IPO5: variants seen among roughly 807,000 people sequenced by gnomAD.
The protein encoded by IPO5 is importin 5.
Under a neutral mutation model 143.3 loss-of-function variants are expected in IPO5, and 18 were observed. The ratio of observed to expected loss-of-function variants is 0.13; its 90% CI spans 0.09 to 0.19. The LOEUF is 0.19. Ranked by LOEUF, IPO5 falls within the 10% of genes least tolerant of loss-of-function variation. IPO5 has a pLI of 1.00. For missense variants in IPO5, 1,013 were observed against 1,336.9 expected (o/e 0.76, Z 3.78); for synonymous variants, 477 against 465.7 (o/e 1.02, Z -0.31).
At chr13:97,989,383 C>G (rs1304928195) in intron 7 of IPO5, among the ~76,000 whole-genome samples, 2 of 152,068 alleles carry the variant, frequency 1.3e-5, no homozygotes, top group East Asian at 1.9e-4. Flanking sequence ...CTACAGCTTG[C>G]TTGCTTTCTC....
chr13:97,955,329 T>G (rs535934351), intron 2 of IPO5, among the ~76,000 whole-genome samples: 2 of 152,178 alleles, frequency 1.3e-5, no homozygotes, highest in African/African-American at 4.8e-5. Context: ...CTGTGCTGAG[T>G]TCATATACTC....
chr13:98,020,098 A>G (rs1890377950), intron 27 of IPO5, among the ~76,000 whole-genome samples: 1 of 152,178 alleles, frequency 6.6e-6, no homozygotes, highest in Non-Finnish European at 1.5e-5. Flanking sequence ...GGTAGCGACA[A>G]GGTCTTAACT....
intron 11 of IPO5, 125 bp from the exon 12 acceptor site, chr13:97,997,406 G>A: frequency 2.1e-6 from 1 of 469,212 alleles, no homozygotes; most frequent in Non-Finnish European, 3.8e-6. Context: ...TGGGGGCACA[G>A]ACAAATAATT....
intron 6 of IPO5, chr13:97,986,889 G>A (rs1306436669): frequency 6.6e-6 from 1 of 152,220 alleles, no homozygotes; most frequent in Non-Finnish European, 1.5e-5. Context: ...GGAGGGAGAG[G>A]GTCAGGCAGA....
rs2139902708 is a variant in IPO5, at chr13:98,024,087, G to A, written c.*2265G>A. The A allele has an allele frequency of 6.6e-6, 1 of 152,196 alleles. No individual in the cohort carries two copies. The highest frequency in any genetic ancestry group is 2.1e-4 in the South Asian group (1 of 4,818). 9.4% of individuals were successfully genotyped at this position (152,196 alleles called of 1,614,324 possible). A position where few individuals can be genotyped will look rare whatever the true frequency, so the allele number is the denominator to read the frequency against. ...ATGTGTGTGGCTCTTACGTTTTCTG[G>A]GAATTTTGTAACAAGTTACACGCAC... On this transcript the variant is annotated 3_prime_UTR_variant, in exon 29 of 29. Coordinates refer to ENST00000651721, the MANE Select transcript of IPO5 (RefSeq NM_002271.6).
chr13:98,022,167 C>A lies in IPO5; in HGVS notation c.*345C>A, dbSNP rs748144561. On this transcript the variant is annotated 3_prime_UTR_variant, in exon 29 of 29. Transcript: ENST00000651721. The stretch of plus-strand genomic sequence containing the variant: ...GGAAAAACAGCTTTAAGAACAGTTA[C>A]TCAGCGTAGATGTGTGTTCACACAA... 22 of 182,432 alleles carry A rather than the reference C, an allele frequency of 1.2e-4. No individual in the cohort carries two copies. Among genetic ancestry groups the A allele is most frequent in the Non-Finnish European group, 2.3e-4 (20 of 85,686 alleles). The allele number at this position is 182,432 out of a possible 1,614,324, so 11.3% of individuals were successfully genotyped here. A position where few individuals can be genotyped will look rare whatever the true frequency, so the allele number is the denominator to read the frequency against.
chr13:97,973,336 C>G (rs1037935662), intron 3 of IPO5, among the ~76,000 whole-genome samples: 2 of 152,060 alleles, frequency 1.3e-5, no homozygotes, highest in African/African-American at 2.4e-5. Context: ...GCCACTGCAC[C>G]CAGCCCCTGA....
rs771995491 is a variant in IPO5 at position 98,015,564 on chromosome 13, A to G, written c.2360A>G (p.Asn787Ser). The change falls in exon 23 of 29, where the codon AAT becomes AGT. Residue 787 changes from asparagine to serine, a missense_variant. Asn to Ser is a conservative substitution (Grantham distance 46). Around this residue, in one of 2 missense-constraint regions of IPO5, gnomAD observed 685 missense variants for 994.9 expected, o/e 0.69. Transcript: ENST00000651721. ...IEVMGDGCLNNEHFEELGGIL... is the reference protein window; with the variant it reads ...IEVMGDGCLNSEHFEELGGIL... ...GTAATGGGAGATGGATGCCTTAATA[A>G]TGAACACTTTGAAGAACTGGGAGGT... is the stretch of plus-strand genomic sequence containing the variant. 1 of 1,611,410 alleles carries G rather than the reference A, an allele frequency of 6.2e-7. No individual in the cohort carries two copies. The highest frequency in any genetic ancestry group is 1.7e-5 in the Admixed American group (1 of 59,916).
At chr13:97,969,904 GC>G in intron 3 of IPO5, 74 bp downstream of exon 3, 1 of 1,171,918 alleles carries the variant, frequency 8.5e-7, no homozygotes, top group Non-Finnish European at 1.3e-6. Context: ...TCGCCATGTT[GC>G]CCAGGCTGGT....
At chr13:97,986,673 A>C (rs937474075) in intron 6 of IPO5, among the ~76,000 whole-genome samples, 3 of 152,212 alleles carry the variant, frequency 2.0e-5, no homozygotes, top group Admixed American at 6.5e-5. Context: ...TTTAATGCCC[A>C]AAAAATATTT....
Position 98,002,915 on chromosome 13 carries a change from C to G in IPO5, c.1375C>G (p.Gln459Glu). 1 of 1,613,846 alleles carries G rather than the reference C, an allele frequency of 6.2e-7. No individual in the cohort carries two copies. Among genetic ancestry groups the G allele is most frequent in the Non-Finnish European group, 8.5e-7 (1 of 1,179,704 alleles). ...TMEDQGNQRV[Q>E]AHAAAALINF... is the part of the protein sequence containing the mutation. Reference sequence around the variant, plus strand: ...GGAAGACCAAGGCAATCAACGTGTGCAGGCCCATGCAGCTGCTGCCCTCAT... The same window carrying G: ...GGAAGACCAAGGCAATCAACGTGTGGAGGCCCATGCAGCTGCTGCCCTCAT... Residue 459 changes from glutamine to glutamate, a missense_variant, in exon 16 of 29, where the codon CAG (glutamine) becomes GAG (glutamate). Gln to Glu is a conservative substitution (Grantham distance 29). Coordinates refer to ENST00000651721, the MANE Select transcript of IPO5 (RefSeq NM_002271.6).
Position 98,021,661 on chromosome 13 carries a change from T to C in IPO5, c.3208-75T>C, listed in dbSNP as rs527298990. The C allele has an allele frequency of 7.0e-5, 56 of 799,636 alleles. No individual in the cohort carries two copies. In the African/African-American group the frequency reaches 8.3e-4, roughly 12 times the overall value. 49.5% of individuals were successfully genotyped at this position (799,636 alleles called of 1,614,324 possible). A position where few individuals can be genotyped will look rare whatever the true frequency, so the allele number is the denominator to read the frequency against. On this transcript the variant is annotated intron_variant, in intron 28 of 28. Transcript: ENST00000651721. Reference sequence around the variant, plus strand: ...GAAGGTATTTTGCCATGATTACAGTTTACCTATGATGATGATTAAAATCCT... The same window carrying C: ...GAAGGTATTTTGCCATGATTACAGTCTACCTATGATGATGATTAAAATCCT...
intron 4 of IPO5, chr13:97,980,027 A>G: frequency 2.2e-6 from 1 of 450,848 alleles, no homozygotes; most frequent in Non-Finnish European, 4.5e-6. Context: ...GCGGAGGAGA[A>G]GTCTTTGCAT....
intron 9 of IPO5, among the ~76,000 whole-genome samples, chr13:97,991,137 A>G (rs1484820094): frequency 2.0e-5 from 3 of 152,146 alleles, no homozygotes; most frequent in Non-Finnish European, 2.9e-5. Context: ...CTCCTTTTTT[A>G]TGGCAATCTT....
chr13:97,964,673 T>C (rs1594015818), intron 2 of IPO5, among the ~76,000 whole-genome samples: 1 of 151,800 alleles, frequency 6.6e-6, no homozygotes, highest in East Asian at 1.9e-4. Flanking sequence ...ATGGTCTCGA[T>C]CTCCTGACCT....
chr13:97,978,665 A>T (rs1566478485), intron 4 of IPO5, among the ~76,000 whole-genome samples: 1 of 152,188 alleles, frequency 6.6e-6, no homozygotes, highest in Non-Finnish European at 1.5e-5. Flanking sequence ...AGAAATTTTC[A>T]TGTGTTACAA....
In IPO5 at chr13:98,001,810, C is replaced by T. The variant is rs549913742; in HGVS notation, c.1109-657C>T. 2.6e-5 allele frequency: 4 copies of T among 152,166 alleles called. No homozygotes were observed. In the East Asian group the frequency reaches 5.8e-4, roughly 22 times the overall value. 9.4% of individuals were successfully genotyped at this position (152,166 alleles called of 1,614,324 possible). On this transcript the variant is annotated intron_variant, in intron 13 of 28. Coordinates refer to ENST00000651721, the MANE Select transcript of IPO5 (RefSeq NM_002271.6). ...TGTATTTTTAGTAGAGACGGGGTTT[C>T]GCCATGTTGGCCAGGCTGGTCTTGA...
intron 17 of IPO5, 151 bp downstream of exon 17, chr13:98,006,499 C>CGAGTA (rs1175504467): frequency 1.8e-6 from 1 of 548,218 alleles, no homozygotes; most frequent in East Asian, 3.3e-5. Flanking sequence ...CTCAGCCTCC[C>CGAGTA]GAGTAGCTGG....
intron 21 of IPO5, 81 bp from the exon 22 acceptor site, chr13:98,013,961 A>T (rs1159584222): frequency 8.2e-7 from 1 of 1,226,386 alleles, no homozygotes; most frequent in African/African-American, 1.5e-5. Context: ...GAAGTTGCCT[A>T]GCACTCCTTT....
Sources: gnomAD v4.1 joint callset for allele counts (sites outside exome capture counted in the v4.1 genomes callset) on GRCh38, gnomAD v4.1.1 for gene constraint, gnomAD v4.1.1 regional missense constraint, MANE v1.5 for transcripts, NCBI Gene and HGNC (gene_info 2026-07-23, HGNC 2026-07-21) for gene names.